SLC39A3: variants seen among roughly 807,000 people sequenced by gnomAD.
SLC39A3 encodes zinc transporter ZIP3.
SLC39A3 carries 3 observed loss-of-function variants against 5.1 expected under a neutral mutation model. The observed-to-expected ratio is 0.59, with a 90% CI of 0.27 to 1.54. SLC39A3 has a LOEUF of 1.54. Ranked by LOEUF, SLC39A3 falls within the 40% of genes most tolerant of loss-of-function variation. The pLI is 0.12. For missense variants in SLC39A3, 412 were observed against 436.4 expected, an observed-to-expected ratio of 0.94 and a Z score of 0.50; for synonymous variants, 250 against 218.8, an observed-to-expected ratio of 1.14 and a Z score of -1.26.
chr19:2,737,487 C>G, intron 1 of SLC39A3, 108 bp from the exon 2 acceptor site: 1 of 667,876 alleles, frequency 1.5e-6, no homozygotes, highest in East Asian at 3.2e-5. Context: ...GCAATCTCCG[C>G]TCACTGCAAC....
rs965295012 is a variant in SLC39A3 at position 2,735,185 on chromosome 19, C to A, written c.211-1700G>T. On this transcript the variant is annotated intron_variant, in intron 2 of 2. Coordinates refer to ENST00000269740, the MANE Select transcript of SLC39A3 (RefSeq NM_144564.5). The surrounding 1 kb of genome is among the most constrained non-coding windows in gnomAD (Gnocchi z 5.7). Reference sequence around the variant, plus strand: ...AAAGGGGGGCTGGCAGTGGCCTCTGCGATGCAGGAGATGTCAGAGATGACC... The same window carrying A: ...AAAGGGGGGCTGGCAGTGGCCTCTGAGATGCAGGAGATGTCAGAGATGACC... 2 of 985,328 alleles carry A rather than the reference C, an allele frequency of 2.0e-6. No homozygotes were observed. Among genetic ancestry groups the A allele is most frequent in the Non-Finnish European group, 2.4e-6 (2 of 829,958 alleles). 61.0% of individuals were successfully genotyped at this position (985,328 alleles called of 1,614,324 possible).
rs765297434 is a variant in SLC39A3, at chr19:2,733,935, C to T, written c.211-450G>A. Among the ~76,000 whole-genome samples, 1 of 152,146 alleles carries T rather than the reference C, an allele frequency of 6.6e-6. No homozygotes were observed. Among genetic ancestry groups the T allele is most frequent in the Non-Finnish European group, 1.5e-5 (1 of 68,036 alleles). On this transcript the variant is annotated intron_variant, in intron 2 of 2. Transcript: ENST00000269740. The surrounding 1 kb of genome is among the most constrained non-coding windows in gnomAD (Gnocchi z 6.1). The stretch of plus-strand genomic sequence containing the variant: ...CAGCCTGGGCGACAGAGGGAGACTC[C>T]GGCTCAAAATAAACACATAAAGAGC...
rs1372547784 is a variant in SLC39A3 at position 2,735,761 on chromosome 19, G to A, written c.210+1287C>T. ...CCAGCCCTACCCACACTCGAGGGGAGGGAAGAGCATGGGGCGTGCGGAGCA... is the reference window on the plus strand; with the variant it reads ...CCAGCCCTACCCACACTCGAGGGGAAGGAAGAGCATGGGGCGTGCGGAGCA... On this transcript the variant is annotated intron_variant, in intron 2 of 2. Transcript: ENST00000269740. The surrounding 1 kb of genome is among the most constrained non-coding windows in gnomAD (Gnocchi z 5.7). The A allele has an allele frequency of 7.1e-6, 6 of 850,706 alleles. No individual in the cohort carries two copies. In the African/African-American group the frequency reaches 1.1e-4, roughly 16 times the overall value. The allele number at this position is 850,706 out of a possible 1,614,324, so 52.7% of individuals were successfully genotyped here.
In SLC39A3 at chr19:2,735,227, C is replaced by A; in HGVS notation, c.211-1742G>T. On this transcript the variant is annotated intron_variant, in intron 2 of 2. Coordinates refer to ENST00000269740, the MANE Select transcript of SLC39A3 (RefSeq NM_144564.5). The surrounding 1 kb of genome is among the most constrained non-coding windows in gnomAD (Gnocchi z 5.7). ...GAGATGACCAAGATCTCCATCCTCG[C>A]AGTGCAGATGTCAGTCTTCACACAC... 1 of 985,432 alleles carries A rather than the reference C, an allele frequency of 1.0e-6. No homozygotes were observed. Among genetic ancestry groups the A allele is most frequent in the Non-Finnish European group, 1.2e-6 (1 of 829,920 alleles). 61.0% of individuals were successfully genotyped at this position (985,432 alleles called of 1,614,324 possible). A position where few individuals can be genotyped will look rare whatever the true frequency, so the allele number is the denominator to read the frequency against.
At position 2,732,620 on chromosome 19, in the gene SLC39A3, G is replaced by A; in HGVS notation, c.*131C>T. ...CGGGGGCACAGCCTGGTCCCGGGAG[G>A]CCCCTTGTGCACAGGTGGTGGCCCA... On this transcript the variant is annotated 3_prime_UTR_variant, in exon 3 of 3. Transcript: ENST00000269740. 7.2e-7 allele frequency: 1 copy of A among 1,383,684 alleles called. No individual in the cohort carries two copies. Among genetic ancestry groups the A allele is most frequent in the South Asian group, 1.8e-5 (1 of 56,850 alleles). The allele number at this position is 1,383,684 out of a possible 1,614,324, so 85.7% of individuals were successfully genotyped here.
chr19:2,735,776 C>T lies in SLC39A3; in HGVS notation c.210+1272G>A, dbSNP rs922013348. The stretch of plus-strand genomic sequence containing the variant: ...CTCGAGGGGAGGGAAGAGCATGGGG[C>T]GTGCGGAGCAGGGGCTGGAAGCTCA... On this transcript the variant is annotated intron_variant, in intron 2 of 2. Transcript: ENST00000269740. This position sits in a 1 kb window ranked among gnomAD's most constrained non-coding sequence, Gnocchi z 5.7. 5.1e-5 allele frequency: 47 copies of T among 919,196 alleles called. No individual in the cohort carries two copies. The highest frequency in any genetic ancestry group is 5.6e-5 in the Non-Finnish European group (43 of 769,938). 56.9% of individuals were successfully genotyped at this position (919,196 alleles called of 1,614,324 possible).
chr19:2,735,145 C>T lies in SLC39A3; in HGVS notation c.211-1660G>A, dbSNP rs748714671. On this transcript the variant is annotated intron_variant, in intron 2 of 2. Coordinates refer to ENST00000269740, the MANE Select transcript of SLC39A3 (RefSeq NM_144564.5). The surrounding 1 kb of genome is among the most constrained non-coding windows in gnomAD (Gnocchi z 5.7). The stretch of plus-strand genomic sequence containing the variant: ...AGTCAGAGGGTGACGGGGGTGACAC[C>T]ATGACCATGGGGGAAAAGGGGGGCT... 4.1e-6 allele frequency: 4 copies of T among 985,402 alleles called. No individual in the cohort carries two copies. The highest frequency in any genetic ancestry group is 4.8e-6 in the Non-Finnish European group (4 of 829,966). 61.0% of individuals were successfully genotyped at this position (985,402 alleles called of 1,614,324 possible).
In SLC39A3 at chr19:2,733,222, G is replaced by A. The variant is rs771137683; in HGVS notation, c.474C>T (p.Ser158=). Reference sequence around the variant, plus strand: ...GGCTGGCGCGCGAGAGGCCCTGCACGCTCAGGCTGGGGCCGTGGCCGTGGG... The same window carrying A: ...GGCTGGCGCGCGAGAGGCCCTGCACACTCAGGCTGGGGCCGTGGCCGTGGG... ...VEPHGHGPSL[S]VQGLSRASPV... Residue 158 remains serine, a synonymous_variant, in exon 3 of 3, where the codon AGC becomes AGT. Transcript: ENST00000269740. This position sits in a 1 kb window ranked among gnomAD's most constrained non-coding sequence, Gnocchi z 6.1. The A allele has an allele frequency of 3.5e-5, 57 of 1,607,576 alleles. No homozygotes were observed. The highest frequency in any genetic ancestry group is 4.2e-5 in the Non-Finnish European group (50 of 1,177,020).
rs562365312 is a variant in SLC39A3, at chr19:2,732,705, C to T, written c.*46G>A. On this transcript the variant is annotated 3_prime_UTR_variant, in exon 3 of 3. Transcript: ENST00000269740. Reference sequence around the variant, plus strand: ...CGGGGGACGCGGCCTGTGTCCGGCCCGGGGCTCCCGGCGGGCTCCGGCGGC... The same window carrying T: ...CGGGGGACGCGGCCTGTGTCCGGCCTGGGGCTCCCGGCGGGCTCCGGCGGC... 7.7e-5 allele frequency: 115 copies of T among 1,502,000 alleles called. No homozygotes were observed. Among genetic ancestry groups the T allele is most frequent in the South Asian group, 4.5e-4 (33 of 73,778 alleles). The allele number at this position is 1,502,000 out of a possible 1,614,324, so 93.0% of individuals were successfully genotyped here. A position where few individuals can be genotyped will look rare whatever the true frequency, so the allele number is the denominator to read the frequency against.
Position 2,737,207 on chromosome 19 carries a change from G to A in SLC39A3, c.51C>T (p.Phe17=). ...GGAGCAGGGAGCCGAGCAGCATGAA[G>A]AAGAACACGCCCACCATGCACAGGA... The part of the protein sequence containing the change: ...AKILCMVGVF[F]FMLLGSLLPV... Residue 17 remains phenylalanine, a synonymous_variant, in exon 2 of 3, where the codon TTC becomes TTT. Transcript: ENST00000269740. 1 of 1,614,164 alleles carries A rather than the reference G, an allele frequency of 6.2e-7. No individual in the cohort carries two copies.
chr19:2,735,451 T>G lies in SLC39A3; in HGVS notation c.210+1597A>C, dbSNP rs1914333608. 1 of 155,464 alleles carries G rather than the reference T, an allele frequency of 6.4e-6. No homozygotes were observed. Among genetic ancestry groups the G allele is most frequent in the Non-Finnish European group, 1.4e-5 (1 of 71,162 alleles). The allele number at this position is 155,464 out of a possible 1,614,324, so 9.6% of individuals were successfully genotyped here. On this transcript the variant is annotated intron_variant, in intron 2 of 2. Coordinates refer to ENST00000269740, the MANE Select transcript of SLC39A3 (RefSeq NM_144564.5). The surrounding 1 kb of genome is among the most constrained non-coding windows in gnomAD (Gnocchi z 5.7). Reference sequence around the variant, plus strand: ...GAGGTCGGAAGAGTCCACCTCCTGGTGGCTGTGGACTGAGGCCCCGTGTCC... The same window carrying G: ...GAGGTCGGAAGAGTCCACCTCCTGGGGGCTGTGGACTGAGGCCCCGTGTCC...
Position 2,733,127 on chromosome 19 carries a change from A to G in SLC39A3, c.569T>C (p.Leu190Pro). The change falls in exon 3 of 3, where the codon CTG (leucine) becomes CCG (proline). Residue 190 changes from leucine (L) to proline (P), a missense_variant. Transcript: ENST00000269740. The surrounding 1 kb of genome is among the most constrained non-coding windows in gnomAD (Gnocchi z 6.1). ...CACCACTTTCTCCCCCTCCTCCTGCAGGCCCAGGGCCAGGCCCTCAAAGAC... is the reference window on the plus strand; with the variant it reads ...CACCACTTTCTCCCCCTCCTCCTGCGGGCCCAGGGCCAGGCCCTCAAAGAC... Reference protein sequence around the residue: ...HSVFEGLALGLQEEGEKVVSL... With the variant: ...HSVFEGLALGPQEEGEKVVSL... 6.2e-7 allele frequency: 1 copy of G among 1,610,546 alleles called. No homozygotes were observed. Among genetic ancestry groups the G allele is most frequent in the African/African-American group, 1.3e-5 (1 of 74,776 alleles).
chr19:2,739,582 C>T (rs1914484980), intron 1 of SLC39A3: 1 of 152,252 alleles, frequency 6.6e-6, no homozygotes, highest in Admixed American at 6.5e-5. Context: ...CCCTCCCCCC[C>T]GGCGGTGAGC....
At position 2,737,293 on chromosome 19, in the gene SLC39A3, C is replaced by T; in HGVS notation, c.-36G>A. The T allele has an allele frequency of 6.4e-7, 1 of 1,566,014 alleles. No individual in the cohort carries two copies. The highest frequency in any genetic ancestry group is 8.7e-7 in the Non-Finnish European group (1 of 1,153,348). ...TGGGCTGCTCTGGTCACTGCAGGGC[C>T]AAACCATCTGTGGGCGCACACCCAA... On this transcript the variant is annotated 5_prime_UTR_variant, in exon 2 of 3. It introduces an in-frame stop codon into an upstream open reading frame of the 5' UTR. Coordinates refer to ENST00000269740, the MANE Select transcript of SLC39A3 (RefSeq NM_144564.5).
At chr19:2,738,993 G>A (rs1486763025) in intron 1 of SLC39A3, among the ~76,000 whole-genome samples, 2 of 150,934 alleles carry the variant, frequency 1.3e-5, no homozygotes, top group African/African-American at 2.4e-5. Flanking sequence ...CCAGTTACTC[G>A]GGAGGCTGAG....
chr19:2,735,828 C>T lies in SLC39A3; in HGVS notation c.210+1220G>A. 3 of 985,498 alleles carry T rather than the reference C, an allele frequency of 3.0e-6. No individual in the cohort carries two copies. Among genetic ancestry groups the T allele is most frequent in the Non-Finnish European group, 3.6e-6 (3 of 829,998 alleles). 61.0% of individuals were successfully genotyped at this position (985,498 alleles called of 1,614,324 possible). The stretch of plus-strand genomic sequence containing the variant: ...GGAGCCACCCTGGAACTCTACTCTG[C>T]CACACTAACAGGCTCAGATGATTTA... On this transcript the variant is annotated intron_variant, in intron 2 of 2. Transcript: ENST00000269740. The surrounding 1 kb of genome is among the most constrained non-coding windows in gnomAD (Gnocchi z 5.7).
At chr19:2,739,159 C>T (rs1444236580) in intron 1 of SLC39A3, among the ~76,000 whole-genome samples, 1 of 151,572 alleles carries the variant, frequency 6.6e-6, no homozygotes, top group Non-Finnish European at 1.5e-5. Context: ...GACTCCTGCC[C>T]TAAACCATAT....
intron 1 of SLC39A3, 89 bp downstream of exon 1, chr19:2,739,856 G>T (rs566135973): frequency 6.6e-6 from 1 of 152,414 alleles, no homozygotes; most frequent in Admixed American, 6.5e-5. Context: ...ACGGGCCTCG[G>T]CTAACGTGCG....
intron 2 of SLC39A3, chr19:2,736,732 G>C: frequency 7.0e-7 from 1 of 1,422,402 alleles, no homozygotes; most frequent in Non-Finnish European, 9.2e-7. Context: ...TATAGGAACC[G>C]AAGAGAGGCC....
Sources: allele counts gnomAD v4.1 joint callset (sites outside exome capture counted in the v4.1 genomes callset), GRCh38; gene constraint gnomAD v4.1.1; non-coding constraint Gnocchi (gnomAD v3.1); transcripts MANE v1.5; gene names NCBI Gene and HGNC (gene_info 2026-07-23, HGNC 2026-07-21).